Variants in NF2 observed in about 807,000 individuals in gnomAD.
NF2 encodes the protein merlin.
Under a neutral mutation model 83.7 loss-of-function variants are expected in NF2, and 8 were observed. That is an observed-to-expected ratio of 0.10 (90% CI 0.06 to 0.17). The LOEUF is 0.17. Ranked by LOEUF, NF2 falls within the 10% of genes least tolerant of loss-of-function variation. NF2 has a pLI of 1.00. For synonymous variants in NF2, 266 were observed against 269.6 expected (o/e 0.99, Z 0.13); for missense variants, 533 against 744.4 (o/e 0.72, Z 3.31).
intron 2 of NF2, among the ~76,000 whole-genome samples, chr22:29,637,746 A>G (rs563494001): frequency 4.0e-5 from 6 of 151,370 alleles, no homozygotes; most frequent in Non-Finnish European, 7.4e-5. Flanking sequence ...TTGTGTTCAC[A>G]TATGTACACA....
At chr22:29,690,605 GC>G (rs1174061380) in intron 15 of NF2, among the ~76,000 whole-genome samples, 1 of 152,204 alleles carries the variant, frequency 6.6e-6, no homozygotes, top group Non-Finnish European at 1.5e-5. Context: ...TCATAGATCT[GC>G]CCCAGAGAAA....
At chr22:29,671,992 T>A (rs1470414790) in intron 11 of NF2, 44 bp downstream of exon 11, 1 of 1,613,732 alleles carries the variant, frequency 6.2e-7, no homozygotes, top group Admixed American at 1.7e-5. Flanking sequence ...ACTTGGGGAC[T>A]TCCTTGGCTT....
intron 1 of NF2, among the ~76,000 whole-genome samples, chr22:29,634,435 A>G (rs992401602): frequency 6.6e-6 from 1 of 152,186 alleles, no homozygotes; most frequent in Non-Finnish European, 1.5e-5. Flanking sequence ...CATTAATACA[A>G]TTTTATGCTG....
At chr22:29,649,464 G>T (rs1038300782) in intron 4 of NF2, among the ~76,000 whole-genome samples, 15 of 152,216 alleles carry the variant, frequency 9.9e-5, no homozygotes, top group African/African-American at 3.4e-4. Flanking sequence ...TCTCAGGGAG[G>T]CAAGAGGTGG....
At chr22:29,658,361 A>G (rs898158412) in intron 7 of NF2, 97 bp downstream of exon 7, 20 of 1,042,538 alleles carry the variant, frequency 1.9e-5, no homozygotes, top group Middle Eastern at 2.0e-4. Flanking sequence ...AAGGCGATAG[A>G]CTCTTTTATG....
intron 15 of NF2, among the ~76,000 whole-genome samples, chr22:29,685,308 A>C (rs190284587): frequency 6.6e-6 from 1 of 151,906 alleles, no homozygotes; most frequent in Admixed American, 6.6e-5. Flanking sequence ...GGGTTTCGCC[A>C]TGTTGCCCAG....
At chr22:29,608,381 C>T (rs1042356123) in intron 1 of NF2, among the ~76,000 whole-genome samples, 2 of 149,642 alleles carry the variant, frequency 1.3e-5, no homozygotes, top group East Asian at 2.1e-4. Context: ...CTGGTTCAAG[C>T]GATTCTCCTG....
At chr22:29,604,635 A>G (rs1392714825) in intron 1 of NF2, among the ~76,000 whole-genome samples, 1 of 152,184 alleles carries the variant, frequency 6.6e-6, no homozygotes, top group African/African-American at 2.4e-5. Flanking sequence ...ACATTTGCAC[A>G]TTTAATCCTC....
chr22:29,642,009 A>G (rs1306111698), intron 3 of NF2, among the ~76,000 whole-genome samples, 193 bp from the exon 4 acceptor site: 1 of 152,200 alleles, frequency 6.6e-6, no homozygotes. Flanking sequence ...TAGCCGTCAT[A>G]CCAGTAACTT....
At chr22:29,620,098 A>C (rs772692406) in intron 1 of NF2, among the ~76,000 whole-genome samples, 2 of 152,032 alleles carry the variant, frequency 1.3e-5, no homozygotes, top group Non-Finnish European at 2.9e-5. Flanking sequence ...GTCTCTACTG[A>C]AAACACAAAA....
intron 9 of NF2, 25 bp downstream of exon 9, chr22:29,665,089 T>A: frequency 1.3e-6 from 2 of 1,555,860 alleles, no homozygotes; most frequent in Non-Finnish European, 1.8e-6. Flanking sequence ...TGGTTTTCAT[T>A]ACTGATAATG....
chr22:29,672,909 C>T (rs775641680), intron 11 of NF2, among the ~76,000 whole-genome samples: 22 of 152,214 alleles, frequency 1.4e-4, no homozygotes, highest in Non-Finnish European at 2.6e-4. Flanking sequence ...CGTGAGCCAC[C>T]GTGCCCCACC....
intron 2 of NF2, among the ~76,000 whole-genome samples, chr22:29,637,296 T>TAAA (rs1430808956): frequency 6.6e-6 from 1 of 152,182 alleles, no homozygotes; most frequent in Non-Finnish European, 1.5e-5. Context: ...AGGAACACCA[T>TAAA]AGTCTGACAT....
At position 29,620,243 on chromosome 22, in the gene NF2, G is replaced by A. The variant is rs5997498; in HGVS notation, c.114+16131G>A. Among the ~76,000 whole-genome samples the A allele has an allele frequency of 9.4e-3, 1,437 of 152,140 alleles. 24 individuals are homozygous for A. The highest frequency in any genetic ancestry group is 0.033 in the African/African-American group (1,374 of 41,502). ...CACTGCACTCCAGCCTGGGCGACAAGAGCGAGACTCTGTCTCAAAAAAAAG... is the reference window on the plus strand; with the variant it reads ...CACTGCACTCCAGCCTGGGCGACAAAAGCGAGACTCTGTCTCAAAAAAAAG... On this transcript the variant is annotated intron_variant, in intron 1 of 15. Transcript: ENST00000338641.
At chr22:29,693,393 T>C (rs867457679) in intron 15 of NF2, among the ~76,000 whole-genome samples, 17 of 152,200 alleles carry the variant, frequency 1.1e-4, no homozygotes, top group Admixed American at 5.2e-4. Context: ...GCCAAAAGAT[T>C]TGGCAGGATT....
Position 29,671,902 on chromosome 22 carries a change from G to A in NF2, c.1076G>A (p.Arg359Lys). 3 of 1,614,200 alleles carry A rather than the reference G, an allele frequency of 1.9e-6. No individual in the cohort carries two copies. The highest frequency in any genetic ancestry group is 2.5e-6 in the Non-Finnish European group (3 of 1,180,042). ...AERTRDELER[R>K]LLQMKEEATM... Reference sequence around the variant, plus strand: ...CGCACGAGGGATGAGTTGGAGAGGAGGCTGCTGCAGATGAAAGAAGAAGCA... The same window carrying A: ...CGCACGAGGGATGAGTTGGAGAGGAAGCTGCTGCAGATGAAAGAAGAAGCA... The change falls in exon 11 of 16, where the codon AGG becomes AAG. Residue 359 changes from arginine (R) to lysine (K), a missense_variant. By Grantham distance (26) the Arg-to-Lys change is conservative. Transcript: ENST00000338641.
intron 6 of NF2, among the ~76,000 whole-genome samples, chr22:29,657,153 T>C (rs1256657456): frequency 6.6e-6 from 1 of 152,070 alleles, no homozygotes; most frequent in Non-Finnish European, 1.5e-5. Context: ...CCAATTCCCC[T>C]TTCTTCCTCC....
chr22:29,642,740 G>A (rs543543612), intron 4 of NF2, among the ~76,000 whole-genome samples: 2 of 151,840 alleles, frequency 1.3e-5, no homozygotes, highest in Admixed American at 6.6e-5. Context: ...TGGCCTTTAG[G>A]TCAGAAAGGC....
intron 1 of NF2, among the ~76,000 whole-genome samples, chr22:29,622,664 T>TTG (rs2065244440): frequency 7.2e-6 from 1 of 139,352 alleles, no homozygotes; most frequent in Non-Finnish European, 1.5e-5. Flanking sequence ...TTTTTTTTTT[T>TTG]TTTTTTTTTG....
Sources: gnomAD v4.1 joint callset for allele counts (sites outside exome capture counted in the v4.1 genomes callset) on GRCh38, gnomAD v4.1.1 for gene constraint, MANE v1.5 for transcripts, NCBI Gene and HGNC (gene_info 2026-07-23, HGNC 2026-07-21) for gene names.